Variants in R3HDM1 observed in about 807,000 individuals in gnomAD.
R3HDM1 encodes the protein R3H domain containing 1.
Under a neutral mutation model 141.1 loss-of-function variants are expected in R3HDM1, and 46 were observed. That is an observed-to-expected ratio of 0.33 (90% CI 0.26 to 0.42). The LOEUF (loss-of-function observed/expected upper bound fraction) is 0.42, where lower values mean the gene tolerates loss of function less well. R3HDM1 is among the 10% of genes least tolerant of loss of function. The probability of loss-of-function intolerance (pLI) is 1.00; values close to 1 mark genes in which losing one functional copy is unlikely to be tolerated. For missense variants in R3HDM1, 1,184 were observed against 1,368.3 expected (o/e 0.87, Z 2.12); for synonymous variants, 435 against 472.9 (o/e 0.92, Z 1.04).
chr2:135,540,487 G>C (rs1697240245), intron 1 of R3HDM1, among the ~76,000 whole-genome samples: 1 of 152,208 alleles, frequency 6.6e-6, no homozygotes. Flanking sequence ...GTGTAGTGCT[G>C]CTGTCATAGC....
chr2:135,560,220 G>T lies in R3HDM1; in HGVS notation c.-250+28587G>T, dbSNP rs866729949. 1.2e-4 allele frequency among the ~76,000 whole-genome samples: 19 copies of T among 152,266 alleles called. No homozygotes were observed. The South Asian group carries it at 1.5e-3, about 12-fold the overall frequency. ...ATTGTGAGCATACTAAAAATTGAAG[G>T]CTGTGTAAACCAAAGAATTTAAACA... is the stretch of plus-strand genomic sequence containing the variant. On this transcript the variant is annotated intron_variant, in intron 1 of 26. Coordinates refer to ENST00000683871, the MANE Select transcript of R3HDM1 (RefSeq NM_001378107.1).
chr2:135,651,312 G>C, intron 17 of R3HDM1: 1 of 984,020 alleles, frequency 1.0e-6, no homozygotes, highest in Non-Finnish European at 1.2e-6. Context: ...AGGGGAGATA[G>C]TTTAAAGCAA....
intron 21 of R3HDM1, among the ~76,000 whole-genome samples, chr2:135,693,371 A>AAC (rs909610124): frequency 6.6e-6 from 1 of 152,166 alleles, no homozygotes; most frequent in African/African-American, 2.4e-5. Flanking sequence ...CAAAAAAAAA[A>AAC]GACAAAGAGG....
At chr2:135,606,965 T>C (rs1413318187) in intron 3 of R3HDM1, among the ~76,000 whole-genome samples, 2 of 141,652 alleles carry the variant, frequency 1.4e-5, no homozygotes, top group Non-Finnish European at 3.1e-5. Flanking sequence ...AGAAACCTGG[T>C]TTTTTTGGGT....
intron 1 of R3HDM1, among the ~76,000 whole-genome samples, chr2:135,550,659 A>G (rs940370354): frequency 6.6e-6 from 1 of 152,232 alleles, no homozygotes; most frequent in Non-Finnish European, 1.5e-5. Context: ...CATCAAAGAT[A>G]TACCTCTGCT....
chr2:135,568,777 G>GGA (rs1703393065), intron 1 of R3HDM1: 1 of 152,164 alleles, frequency 6.6e-6, no homozygotes, highest in African/African-American at 2.4e-5. Flanking sequence ...GTGACCTCTC[G>GGA]GAAGAAAGGG....
chr2:135,709,404 A>C (rs577387132), intron 21 of R3HDM1, 29 bp from the exon 22 acceptor site: 1 of 1,612,976 alleles, frequency 6.2e-7, no homozygotes, highest in Non-Finnish European at 8.5e-7. Flanking sequence ...TCCTCCTCTC[A>C]TTATGCTGTT....
intron 1 of R3HDM1, among the ~76,000 whole-genome samples, chr2:135,535,440 G>A (rs750614352): frequency 3.4e-4 from 51 of 151,650 alleles, no homozygotes; most frequent in Middle Eastern, 6.8e-3. Context: ...TGGAGGTTGC[G>A]GTGAGCTGAG....
chr2:135,665,134 A>G (rs1378751891), intron 19 of R3HDM1, among the ~76,000 whole-genome samples: 1 of 152,226 alleles, frequency 6.6e-6, no homozygotes, highest in Non-Finnish European at 1.5e-5. Context: ...AAAAGATCAG[A>G]TTACTTACCA....
chr2:135,712,977 G>C (rs2075823484), intron 23 of R3HDM1, among the ~76,000 whole-genome samples: 1 of 152,020 alleles, frequency 6.6e-6, no homozygotes, highest in Non-Finnish European at 1.5e-5. Context: ...CAAGGAGAAA[G>C]GATCACTTGA....
chr2:135,627,582 A>G (rs2062174520), intron 7 of R3HDM1, among the ~76,000 whole-genome samples: 1 of 152,090 alleles, frequency 6.6e-6, no homozygotes, highest in East Asian at 1.9e-4. Context: ...GCTTTTAGCC[A>G]TATTGTATAA....
At chr2:135,541,774 ATGAAG>A (rs1697578451) in intron 1 of R3HDM1, among the ~76,000 whole-genome samples, 3 of 151,830 alleles carry the variant, frequency 2.0e-5, no homozygotes, top group Non-Finnish European at 2.9e-5. Context: ...ACACAGAGAC[ATGAAG>A]TGAGCACATG....
chr2:135,616,553 T>C, intron 4 of R3HDM1, 115 bp from the exon 5 acceptor site: 1 of 808,606 alleles, frequency 1.2e-6, no homozygotes, highest in Non-Finnish European at 1.9e-6. Context: ...GCACATTTCA[T>C]CTACTGTTAT....
intron 1 of R3HDM1, among the ~76,000 whole-genome samples, chr2:135,538,308 G>C (rs953429166): frequency 6.6e-6 from 1 of 152,112 alleles, no homozygotes; most frequent in Non-Finnish European, 1.5e-5. Context: ...CATGAATGTG[G>C]CTTGCAGCAC....
intron 1 of R3HDM1, among the ~76,000 whole-genome samples, chr2:135,545,033 C>T (rs1191969659): frequency 1.3e-5 from 2 of 152,152 alleles, no homozygotes; most frequent in East Asian, 3.8e-4. Context: ...AATAACCCCA[C>T]CTCCTTAATG....
chr2:135,709,625 C>G, intron 22 of R3HDM1, 89 bp downstream of exon 22: 2 of 1,484,208 alleles, frequency 1.3e-6, no homozygotes, highest in Non-Finnish European at 9.2e-7. Flanking sequence ...AAAAGCTTCT[C>G]AATTTGTGAT....
At chr2:135,699,105 T>TAGATAGATAGATA (rs1332113353) in intron 21 of R3HDM1, among the ~76,000 whole-genome samples, 1,755 of 73,544 alleles carry the variant, frequency 0.024, 38 homozygotes, top group African/African-American at 0.056. Context: ...ATAGATAGAT[T>TAGATAGATAGATA]AGATATTCCA....
intron 1 of R3HDM1, among the ~76,000 whole-genome samples, chr2:135,554,876 T>G (rs1369818884): frequency 6.6e-6 from 1 of 152,216 alleles, no homozygotes; most frequent in African/African-American, 2.4e-5. Context: ...CTACCCAGTT[T>G]GTCATACTTT....
Position 135,621,544 on chromosome 2 carries a change from C to T in R3HDM1, c.354C>T (p.Pro118=). The change falls in exon 6 of 27, where the codon CCC becomes CCT. Residue 118 remains proline, a synonymous_variant. Coordinates refer to ENST00000683871, the MANE Select transcript of R3HDM1 (RefSeq NM_001378107.1). ...AATCATTTGAGAAAGAAGAGAAGCC[C>T]TCAAAAGATGAAGCAGAAAAAGAAA... ...LTQSFEKEEK[P]SKDEAEKEKA... 6.2e-7 allele frequency: 1 copy of T among 1,600,880 alleles called. No individual in the cohort carries two copies. Among genetic ancestry groups the T allele is most frequent in the Non-Finnish European group, 8.5e-7 (1 of 1,173,462 alleles).
Sources: allele counts gnomAD v4.1 joint callset (sites outside exome capture counted in the v4.1 genomes callset), GRCh38; gene constraint gnomAD v4.1.1; transcripts MANE v1.5; gene names NCBI Gene and HGNC (gene_info 2026-07-23, HGNC 2026-07-21).